The following AGMO variants were observed in gnomAD, a reference collection of about 807,000 sequenced individuals.
The protein encoded by AGMO is alkylglycerol monooxygenase.
In AGMO, 75 loss-of-function variants were observed where a neutral mutation model predicts 60.2. That is an observed-to-expected ratio of 1.25 (90% CI 1.03 to 1.51). The LOEUF is 1.51. Among genes scored for constraint, AGMO ranks in the 40% most tolerant of loss-of-function variants. The pLI is 0.00. For missense variants in AGMO, 763 were observed against 525.5 expected (o/e 1.45, Z -4.42); for synonymous variants, 261 against 177.1 (o/e 1.47, Z -3.76).
intron 5 of AGMO, among the ~76,000 whole-genome samples, chr7:15,408,927 G>T (rs1223843793): frequency 6.6e-6 from 1 of 151,798 alleles, no homozygotes; most frequent in East Asian, 1.9e-4. Flanking sequence ...TTTGAGTTGG[G>T]CCTTGAAGAA....
the AGMO span, among the ~76,000 whole-genome samples, chr7:15,190,738 A>G: frequency 2.0e-5 from 3 of 152,190 alleles, no homozygotes; most frequent in African/African-American, 7.2e-5. Flanking sequence ...CAAAACAGAA[A>G]GAGTTTTATT....
At chr7:15,302,840 T>C (rs372258118) in intron 12 of AGMO, among the ~76,000 whole-genome samples, 10 of 152,236 alleles carry the variant, frequency 6.6e-5, no homozygotes, top group African/African-American at 2.4e-4. Flanking sequence ...TTCATAAAGA[T>C]AGGACTGAAG....
intron 12 of AGMO, among the ~76,000 whole-genome samples, chr7:15,283,011 AAC>A (rs1253087004): frequency 6.6e-6 from 1 of 152,166 alleles, no homozygotes; most frequent in Non-Finnish European, 1.5e-5. Context: ...ATGAAAGAGA[AAC>A]AGTTATTTTC....
chr7:15,322,718 A>ATATG (rs1781204460), intron 12 of AGMO, among the ~76,000 whole-genome samples: 8 of 41,970 alleles, frequency 1.9e-4, no homozygotes, highest in Admixed American at 5.3e-4. Flanking sequence ...ATATATAAAT[A>ATATG]TATAAATATA....
At chr7:15,439,209 C>T (rs1057140308) in intron 3 of AGMO, among the ~76,000 whole-genome samples, 5 of 152,092 alleles carry the variant, frequency 3.3e-5, no homozygotes, top group African/African-American at 1.2e-4. Flanking sequence ...CCATCCCGGC[C>T]AACATGGTGA....
chr7:15,372,225 C>T (rs1049091548), intron 10 of AGMO, among the ~76,000 whole-genome samples: 6 of 152,010 alleles, frequency 3.9e-5, no homozygotes, highest in South Asian at 2.1e-4. Flanking sequence ...CTGAGGTGAG[C>T]GGATCACTTG....
At position 15,287,501 on chromosome 7, in the gene AGMO, T is replaced by C. The variant is rs556780402; in HGVS notation, c.1263+78013A>G. 2.0e-5 allele frequency among the ~76,000 whole-genome samples: 3 copies of C among 152,332 alleles called. No individual in the cohort carries two copies. In the South Asian group the frequency reaches 6.2e-4, roughly 32 times the overall value. The stretch of plus-strand genomic sequence containing the variant: ...TGTGAAAATCAATAGTTTTGTTCTA[T>C]TCTGAACAAAAGGTAGATTATTTAA... On this transcript the variant is annotated intron_variant, in intron 12 of 12. Coordinates refer to ENST00000342526, the MANE Select transcript of AGMO (RefSeq NM_001004320.2).
the AGMO span, among the ~76,000 whole-genome samples, chr7:15,130,615 A>G: frequency 6.6e-6 from 1 of 152,268 alleles, no homozygotes; most frequent in Middle Eastern, 3.4e-3. Context: ...AAAATAGGGG[A>G]ACAGATTAGG....
chr7:15,334,052 A>G (rs574828715), intron 12 of AGMO, among the ~76,000 whole-genome samples: 2 of 152,254 alleles, frequency 1.3e-5, no homozygotes, highest in South Asian at 2.1e-4. Context: ...TCCTGAAGGC[A>G]GTAATTCTCT....
At chr7:15,261,004 T>C (rs1321670598) in intron 12 of AGMO, among the ~76,000 whole-genome samples, 2 of 152,064 alleles carry the variant, frequency 1.3e-5, no homozygotes, top group Non-Finnish European at 2.9e-5. Flanking sequence ...ACCTCTGGGA[T>C]ACAGCAAAAG....
At chr7:15,475,850 G>T (rs894241086) in intron 3 of AGMO, among the ~76,000 whole-genome samples, 6 of 151,888 alleles carry the variant, frequency 4.0e-5, no homozygotes, top group African/African-American at 1.5e-4. Context: ...AAAAGAAGAT[G>T]GAATGAGCTA....
intron 12 of AGMO, among the ~76,000 whole-genome samples, chr7:15,293,594 T>C (rs964067443): frequency 8.6e-5 from 13 of 151,824 alleles, no homozygotes; most frequent in Admixed American, 3.3e-4. Context: ...AAAAAACTGT[T>C]AACATCTCAG....
intron 12 of AGMO, among the ~76,000 whole-genome samples, chr7:15,277,996 G>A (rs994648524): frequency 6.6e-6 from 1 of 152,186 alleles, no homozygotes; most frequent in African/African-American, 2.4e-5. Flanking sequence ...TTACATCCAA[G>A]ATAGACAGAA....
chr7:15,282,549 A>T (rs1286234064), intron 12 of AGMO, among the ~76,000 whole-genome samples: 1 of 152,186 alleles, frequency 6.6e-6, no homozygotes, highest in African/African-American at 2.4e-5. Flanking sequence ...ATCAAAAGAA[A>T]TGAGCAATGT....
At chr7:15,462,550 TA>T (rs1782169826) in intron 3 of AGMO, among the ~76,000 whole-genome samples, 1 of 152,156 alleles carries the variant, frequency 6.6e-6, no homozygotes, top group African/African-American at 2.4e-5. Context: ...TAAAAGTTAA[TA>T]GGCGTGGCTA....
chr7:15,398,350 T>C lies in AGMO; in HGVS notation c.610-4171A>G, dbSNP rs548570577. ...AGGCTAAAGCACGGTGATAACAATATTGAAAGTTCGTTTTTTAAAAAATAG... is the reference window on the plus strand; with the variant it reads ...AGGCTAAAGCACGGTGATAACAATACTGAAAGTTCGTTTTTTAAAAAATAG... On this transcript the variant is annotated intron_variant, in intron 5 of 12. Transcript: ENST00000342526. Among the ~76,000 whole-genome samples, 21 of 152,222 alleles carry C rather than the reference T, an allele frequency of 1.4e-4. 1 individual carries two copies. In the South Asian group the frequency reaches 4.4e-3, roughly 32 times the overall value.
chr7:15,370,715 T>C (rs1783175417), intron 10 of AGMO, among the ~76,000 whole-genome samples: 1 of 144,966 alleles, frequency 6.9e-6, no homozygotes. Flanking sequence ...TTATGTTCTT[T>C]GCCCATTTTT....
At chr7:15,197,670 G>A (rs1384706889), downstream of AGMO, among the ~76,000 whole-genome samples, 6 of 152,170 alleles carry the variant, frequency 3.9e-5, no homozygotes, top group East Asian at 9.6e-4. Context: ...GTAAACTTAC[G>A]ATGTTGCCAT....
rs763192463 is a variant in AGMO, at chr7:15,561,738, C to T, written c.108G>A (p.Val36=). ...SETSFQTLEE[V]PDYVKKATPF... ...GTCTCACCTTTTTTACATAATCAGG[C>T]ACCTCTTCTAATGTTTGGAATGAAG... Residue 36 remains valine (V), a synonymous_variant, in exon 1 of 13, where the codon GTG becomes GTA. Coordinates refer to ENST00000342526, the MANE Select transcript of AGMO (RefSeq NM_001004320.2). 4.4e-6 allele frequency: 7 copies of T among 1,607,864 alleles called. No homozygotes were observed. In the Admixed American group the frequency reaches 5.0e-5, roughly 12 times the overall value.
Sources: gnomAD v4.1 joint callset for allele counts (sites outside exome capture counted in the v4.1 genomes callset) on GRCh38, gnomAD v4.1.1 for gene constraint, MANE v1.5 for transcripts, NCBI Gene and HGNC (gene_info 2026-07-23, HGNC 2026-07-21) for gene names.